Variants in PKNOX2 observed in about 807,000 individuals in gnomAD.
PKNOX2 encodes PBX/knotted 1 homeobox 2, also known as homeobox protein PKNOX2.
In PKNOX2, 14 loss-of-function variants were observed where a neutral mutation model predicts 53.1. That is an observed-to-expected ratio of 0.26 (90% CI 0.17 to 0.41). The LOEUF is 0.41. Among genes scored for constraint, PKNOX2 ranks in the 10% least tolerant of loss-of-function variants. PKNOX2 has a pLI of 1.00. For synonymous variants in PKNOX2, 257 were observed against 242.8 expected (o/e 1.06, Z -0.54); for missense variants, 496 against 602.8 (o/e 0.82, Z 1.85).
chr11:125,430,098 G>C lies in PKNOX2; in HGVS notation c.1149G>C (p.Gly383=). ...TCTGGCCCAACTCCATCGCTGCGGG[G>C]GTGCTGCAGCAGCAGGGCGGTGCCC... is the stretch of plus-strand genomic sequence containing the variant. The part of the protein sequence containing the change: ...QRFWPNSIAA[G]VLQQQGGAPG... The change falls in exon 12 of 13, where the codon GGG becomes GGC. Residue 383 remains glycine, a synonymous_variant. Transcript: ENST00000298282. 6.2e-7 allele frequency: 1 copy of C among 1,614,136 alleles called. No individual in the cohort carries two copies. The highest frequency in any genetic ancestry group is 8.5e-7 in the Non-Finnish European group (1 of 1,180,010).
At chr11:125,293,728 C>T (rs1947459284) in intron 2 of PKNOX2, among the ~76,000 whole-genome samples, 1 of 151,826 alleles carries the variant, frequency 6.6e-6, no homozygotes, top group Non-Finnish European at 1.5e-5. Context: ...GTAGTTGACA[C>T]TAACACACAC....
At chr11:125,316,575 A>C (rs1054537814) in intron 2 of PKNOX2, among the ~76,000 whole-genome samples, 22 of 152,218 alleles carry the variant, frequency 1.4e-4, no homozygotes, top group Non-Finnish European at 1.5e-5. Flanking sequence ...AGTCACATGA[A>C]TCTTTTGGTT....
chr11:125,252,776 G>C (rs1194986186), intron 2 of PKNOX2, among the ~76,000 whole-genome samples: 1 of 152,202 alleles, frequency 6.6e-6, no homozygotes, highest in Admixed American at 6.5e-5. Context: ...GTCACCAGAG[G>C]ACCTCTACCA....
intron 2 of PKNOX2, among the ~76,000 whole-genome samples, chr11:125,290,270 A>T (rs559811245): frequency 6.6e-6 from 1 of 152,324 alleles, no homozygotes; most frequent in South Asian, 2.1e-4. Context: ...AGCTCTGCCC[A>T]GCTACTGGTG....
chr11:125,393,156 C>T (rs1322671624), intron 6 of PKNOX2, among the ~76,000 whole-genome samples: 20 of 131,334 alleles, frequency 1.5e-4, no homozygotes, highest in Middle Eastern at 4.3e-3. Context: ...CAAGACTCGT[C>T]TCAAAAAAAA....
chr11:125,393,287 A>G (rs1161603333), intron 6 of PKNOX2, among the ~76,000 whole-genome samples: 1 of 152,194 alleles, frequency 6.6e-6, no homozygotes. Flanking sequence ...ATTAAAAAGA[A>G]GTTGTGTTGA....
intron 2 of PKNOX2, among the ~76,000 whole-genome samples, chr11:125,265,235 C>T (rs1161395129): frequency 6.6e-6 from 1 of 151,262 alleles, no homozygotes; most frequent in Admixed American, 6.6e-5. Flanking sequence ...TGCAGTGGGC[C>T]GAGATCGCAC....
chr11:125,335,360 G>A (rs773806971), intron 3 of PKNOX2, among the ~76,000 whole-genome samples: 1 of 152,214 alleles, frequency 6.6e-6, no homozygotes, highest in Admixed American at 6.5e-5. Flanking sequence ...TAATCCAACC[G>A]CATGACCTTT....
intron 3 of PKNOX2, among the ~76,000 whole-genome samples, chr11:125,345,913 C>T (rs983536084): frequency 3.3e-5 from 5 of 152,098 alleles, no homozygotes; most frequent in African/African-American, 9.7e-5. Context: ...GCAATTAAAG[C>T]GGGCCCTGCG....
intron 10 of PKNOX2, among the ~76,000 whole-genome samples, chr11:125,414,697 A>G (rs1456221254): frequency 6.6e-6 from 1 of 152,066 alleles, no homozygotes; most frequent in African/African-American, 2.4e-5. Flanking sequence ...TCGAGGCATG[A>G]ATTGAGGCTC....
At chr11:125,174,039 C>T (rs1047897573) in intron 1 of PKNOX2, among the ~76,000 whole-genome samples, 3 of 152,216 alleles carry the variant, frequency 2.0e-5, no homozygotes, top group Admixed American at 2.0e-4. Flanking sequence ...GGAATGGATG[C>T]TCCTCTGTAC....
chr11:125,355,801 C>T (rs1951572984), intron 4 of PKNOX2, among the ~76,000 whole-genome samples: 1 of 152,174 alleles, frequency 6.6e-6, no homozygotes, highest in Admixed American at 6.5e-5. Context: ...TTCTTGGGAA[C>T]ACACAACCAC....
At chr11:125,361,423 G>A (rs1351037744) in intron 4 of PKNOX2, among the ~76,000 whole-genome samples, 1 of 152,170 alleles carries the variant, frequency 6.6e-6, no homozygotes, top group Admixed American at 6.5e-5. Context: ...TGAGAAACCT[G>A]AAACCCCAGA....
intron 1 of PKNOX2, among the ~76,000 whole-genome samples, chr11:125,168,325 A>G (rs528357569): frequency 6.6e-6 from 1 of 152,344 alleles, no homozygotes; most frequent in Non-Finnish European, 1.5e-5. Flanking sequence ...TGTGGCTTTG[A>G]CCGCATGTCA....
In PKNOX2 at chr11:125,335,086, G is replaced by A. The variant is rs146425336; in HGVS notation, c.-23+3161G>A. 7.1e-3 allele frequency among the ~76,000 whole-genome samples: 1,082 copies of A among 152,194 alleles called. 12 individuals are homozygous for A. Among genetic ancestry groups the A allele is most frequent in the African/African-American group, 0.025 (1,021 of 41,518 alleles). ...AGCCCCTCCCCTTGAGCCCCAAAGCGGCACCTTCTACTTTATTAAAACTGC... is the reference window on the plus strand; with the variant it reads ...AGCCCCTCCCCTTGAGCCCCAAAGCAGCACCTTCTACTTTATTAAAACTGC... On this transcript the variant is annotated intron_variant, in intron 3 of 12. Coordinates refer to ENST00000298282, the MANE Select transcript of PKNOX2 (RefSeq NM_001382323.2).
At chr11:125,312,097 G>C (rs12275250) in intron 2 of PKNOX2, among the ~76,000 whole-genome samples, 42,632 of 152,032 alleles carry the variant, frequency 0.28, 7,701 homozygotes, top group East Asian at 0.52. Context: ...GTTTCTTCAT[G>C]TGTAAAATGG....
chr11:125,410,837 A>C lies in PKNOX2; in HGVS notation c.777A>C (p.Gln259His). 2.5e-6 allele frequency: 4 copies of C among 1,614,026 alleles called. No individual in the cohort carries two copies. The highest frequency in any genetic ancestry group is 3.4e-6 in the Non-Finnish European group (4 of 1,179,964). The change falls in exon 9 of 13, where the codon CAA (glutamine) becomes CAC (histidine). Residue 259 changes from glutamine to histidine, a missense_variant. This residue lies in a region of PKNOX2 where 141 missense variants were observed against 143.9 expected (regional missense o/e 0.98). Transcript: ENST00000298282. ...CCTCCCAGGGTCAGGTGGTCACCCA[A>C]GCAATCCCCCAGGGAGCCATCCAGA... Reference protein sequence around the residue: ...MVTSQGQVVTQAIPQGAIQIQ... With the variant: ...MVTSQGQVVTHAIPQGAIQIQ...
intron 3 of PKNOX2, among the ~76,000 whole-genome samples, chr11:125,339,046 C>G (rs1054971997): frequency 8.5e-5 from 13 of 152,218 alleles, no homozygotes; most frequent in African/African-American, 3.1e-4. Flanking sequence ...TGTCTGAGAG[C>G]AGCTGAAAGG....
chr11:125,171,863 G>A (rs935246637), intron 1 of PKNOX2, among the ~76,000 whole-genome samples: 1 of 152,224 alleles, frequency 6.6e-6, no homozygotes, highest in African/African-American at 2.4e-5. Flanking sequence ...AGGGGTGTCT[G>A]GGGTTAACAG....
Sources: gnomAD v4.1 joint callset for allele counts (sites outside exome capture counted in the v4.1 genomes callset) on GRCh38, gnomAD v4.1.1 for gene constraint, gnomAD v4.1.1 regional missense constraint, MANE v1.5 for transcripts, NCBI Gene and HGNC (gene_info 2026-07-23, HGNC 2026-07-21) for gene names.